Variants in COL10A1 observed in about 807,000 individuals in gnomAD.
The protein encoded by COL10A1 is collagen alpha-1(X) chain.
A neutral mutation model predicts 18.2 loss-of-function variants in COL10A1; 10 were observed. That is an observed-to-expected ratio of 0.55 (90% CI 0.34 to 0.93). The LOEUF (loss-of-function observed/expected upper bound fraction) is 0.93, where lower values mean the gene tolerates loss of function less well. Ranked by LOEUF, COL10A1 falls within the 40% of genes least tolerant of loss-of-function variation. The pLI, the probability that COL10A1 is intolerant of heterozygous loss-of-function variation, is 0.02. For missense variants in COL10A1, 897 were observed against 853.5 expected (o/e 1.05, Z -0.64); for synonymous variants, 330 against 316.6 (o/e 1.04, Z -0.45).
chr6:116,176,324 A>AAGAC, the COL10A1 span, among the ~76,000 whole-genome samples: 2 of 152,076 alleles, frequency 1.3e-5, no homozygotes, highest in Non-Finnish European at 2.9e-5. Context: ...CCCCTAGCAG[A>AAGAC]AGACTGCTGT....
At chr6:116,216,470 A>G in the COL10A1 span, among the ~76,000 whole-genome samples, 948 of 151,740 alleles carry the variant, frequency 6.2e-3, 5 homozygotes, top group Non-Finnish European at 8.8e-3. Flanking sequence ...CGGGATATGC[A>G]AATTAAATTA....
At chr6:116,196,945 T>G in the COL10A1 span, among the ~76,000 whole-genome samples, 27 of 151,788 alleles carry the variant, frequency 1.8e-4, no homozygotes, top group African/African-American at 6.5e-4. Flanking sequence ...CCATGTTTTC[T>G]CCAGAGTTCT....
rs182035692 is a variant in COL10A1 at position 116,137,002 on chromosome 6, A to G, written c.-15-11495T>C. 85 of 168,240 alleles carry G rather than the reference A, an allele frequency of 5.1e-4. 2 individuals are homozygous for G. The highest frequency in any genetic ancestry group is 4.7e-3 in the Admixed American group (78 of 16,744). The allele number at this position is 168,240 out of a possible 1,614,324, so 10.4% of individuals were successfully genotyped here. The stretch of plus-strand genomic sequence containing the variant: ...CCGATGGTGGAATACACACAAACAC[A>G]GGAAACAAAGCTGGGCCTTTCCACA... On this transcript the variant is annotated intron_variant, in intron 1 of 1. Coordinates refer to the COL10A1 transcript ENST00000418500.
At chr6:116,200,583 G>C in the COL10A1 span, among the ~76,000 whole-genome samples, 1 of 152,048 alleles carries the variant, frequency 6.6e-6, no homozygotes, top group African/African-American at 2.4e-5. Flanking sequence ...CTAAATAAAG[G>C]TAAGACACTA....
At chr6:116,178,902 T>G in the COL10A1 span, among the ~76,000 whole-genome samples, 1 of 152,216 alleles carries the variant, frequency 6.6e-6, no homozygotes, top group South Asian at 2.1e-4. Flanking sequence ...TTACTCGATA[T>G]GCATTTCCAG....
the COL10A1 span, among the ~76,000 whole-genome samples, chr6:116,167,206 A>ATTTTTTTTT: frequency 2.3e-5 from 2 of 87,796 alleles, no homozygotes; most frequent in African/African-American, 4.9e-5. Context: ...CAAATAGAAG[A>ATTTTTTTTT]TTTTTTTTTT....
the COL10A1 span, among the ~76,000 whole-genome samples, chr6:116,165,797 G>A: frequency 1.3e-5 from 2 of 152,330 alleles, no homozygotes; most frequent in African/African-American, 4.8e-5. Context: ...CCAGGGACCT[G>A]CTGGTCCCCT....
intron 1 of COL10A1, among the ~76,000 whole-genome samples, chr6:116,149,881 A>G (rs1779994217): frequency 6.6e-6 from 1 of 152,240 alleles, no homozygotes; most frequent in Admixed American, 6.5e-5. Context: ...ACAAACCAGC[A>G]TTAGGACTTA....
chr6:116,199,391 A>G, the COL10A1 span, among the ~76,000 whole-genome samples: 1 of 152,096 alleles, frequency 6.6e-6, no homozygotes, highest in Non-Finnish European at 1.5e-5. Context: ...TTTTATTCCA[A>G]CACTGCTATT....
the COL10A1 span, among the ~76,000 whole-genome samples, chr6:116,178,088 T>TGCGCGC: frequency 2.0e-5 from 2 of 99,624 alleles, no homozygotes; most frequent in African/African-American, 9.3e-5. Flanking sequence ...TGTGTGTGTG[T>TGCGCGC]GCGCGCGCGC....
the COL10A1 span, among the ~76,000 whole-genome samples, chr6:116,212,568 AAATT>A: frequency 1.5e-4 from 23 of 152,258 alleles, no homozygotes; most frequent in East Asian, 5.8e-4. Context: ...TATCTGAACT[AAATT>A]AATTAAGGAA....
intron 1 of COL10A1, among the ~76,000 whole-genome samples, chr6:116,150,504 C>T (rs562233629): frequency 2.6e-5 from 4 of 152,142 alleles, no homozygotes; most frequent in Non-Finnish European, 5.9e-5. Context: ...AGGCTGGTCT[C>T]GAATGTGTGA....
chr6:116,187,704 T>G, the COL10A1 span, among the ~76,000 whole-genome samples: 5 of 151,938 alleles, frequency 3.3e-5, no homozygotes, highest in Admixed American at 2.0e-4. Flanking sequence ...TAGACAAAAA[T>G]CAATTTCACA....
chr6:116,170,366 G>A, the COL10A1 span, among the ~76,000 whole-genome samples: 1 of 152,002 alleles, frequency 6.6e-6, no homozygotes, highest in African/African-American at 2.4e-5. Context: ...AACTGAATTC[G>A]AAGTCTATTC....
At chr6:116,196,344 A>G in the COL10A1 span, among the ~76,000 whole-genome samples, 4 of 152,060 alleles carry the variant, frequency 2.6e-5, no homozygotes, top group Non-Finnish European at 4.4e-5. Context: ...TGCTCTAACT[A>G]CAGCAACAAA....
At chr6:116,200,945 C>T in the COL10A1 span, among the ~76,000 whole-genome samples, 8 of 151,940 alleles carry the variant, frequency 5.3e-5, no homozygotes, top group Admixed American at 2.6e-4. Context: ...TTTTTTCTAA[C>T]CAAGGTCTGA....
At chr6:116,178,657 G>T in the COL10A1 span, among the ~76,000 whole-genome samples, 1 of 152,188 alleles carries the variant, frequency 6.6e-6, no homozygotes, top group African/African-American at 2.4e-5. Flanking sequence ...TTTTGGTAAA[G>T]GCAATTTTAC....
chr6:116,127,946 C>T (rs1028904433), upstream of COL10A1, among the ~76,000 whole-genome samples: 1 of 152,082 alleles, frequency 6.6e-6, no homozygotes, highest in African/African-American at 2.4e-5. Context: ...TTTTTATCAA[C>T]ACAATGAAAA....
chr6:116,159,616 G>A (rs1004960472), upstream of COL10A1, among the ~76,000 whole-genome samples: 7 of 152,160 alleles, frequency 4.6e-5, no homozygotes, highest in Non-Finnish European at 1.0e-4. Flanking sequence ...ACACAACACT[G>A]CTGTCATCTT....
Sources: gnomAD v4.1 joint callset for allele counts (sites outside exome capture counted in the v4.1 genomes callset) on GRCh38, gnomAD v4.1.1 for gene constraint, MANE v1.5 for transcripts, NCBI Gene and HGNC (gene_info 2026-07-23, HGNC 2026-07-21) for gene names.